The following SUGCT variants were observed in gnomAD, a reference collection of about 807,000 sequenced individuals.
SUGCT encodes succinyl-CoA:glutarate-CoA transferase.
A neutral mutation model predicts 55.0 loss-of-function variants in SUGCT; 41 were observed. That is an observed-to-expected ratio of 0.74 (90% CI 0.58 to 0.97). The LOEUF is 0.97. Ranked by LOEUF, SUGCT falls within the 50% of genes least tolerant of loss-of-function variation. The pLI is 0.00. For missense variants in SUGCT, 568 were observed against 547.8 expected, an observed-to-expected ratio of 1.04 and a Z score of -0.37; for synonymous variants, 187 against 200.4, an observed-to-expected ratio of 0.93 and a Z score of 0.56.
At chr7:40,981,752 G>T in the SUGCT span, among the ~76,000 whole-genome samples, 2,900 of 152,224 alleles carry the variant, frequency 0.019, 85 homozygotes, top group African/African-American at 0.066. Flanking sequence ...AAGCCAACAA[G>T]GTTCTTTGCC....
chr7:40,977,577 G>T, the SUGCT span, among the ~76,000 whole-genome samples: 1 of 152,176 alleles, frequency 6.6e-6, no homozygotes, highest in African/African-American at 2.4e-5. Flanking sequence ...GTTGCATGGG[G>T]CTTCTAGGGG....
At chr7:40,162,931 G>A (rs956595205) in intron 1 of SUGCT, among the ~76,000 whole-genome samples, 5 of 152,128 alleles carry the variant, frequency 3.3e-5, no homozygotes, top group Non-Finnish European at 7.3e-5. Flanking sequence ...CATCTTTATT[G>A]GGCAGGACTG....
chr7:40,802,563 A>T (rs937571607), intron 13 of SUGCT, among the ~76,000 whole-genome samples: 7 of 152,316 alleles, frequency 4.6e-5, no homozygotes, highest in Middle Eastern at 6.8e-3. Context: ...CACCTTCCCC[A>T]GCAAAGCCTA....
At chr7:40,475,450 T>G (rs972270512) in intron 11 of SUGCT, among the ~76,000 whole-genome samples, 2 of 152,234 alleles carry the variant, frequency 1.3e-5, no homozygotes, top group African/African-American at 2.4e-5. Flanking sequence ...AATCCAGGAA[T>G]ACTTTGTCCA....
At chr7:40,777,266 T>TC (rs1483974867) in intron 13 of SUGCT, among the ~76,000 whole-genome samples, 5 of 152,330 alleles carry the variant, frequency 3.3e-5, no homozygotes, top group African/African-American at 1.2e-4. Context: ...TGCTTTTTTT[T>TC]CTACTTAACT....
chr7:40,933,222 G>C, the SUGCT span, among the ~76,000 whole-genome samples: 6 of 152,068 alleles, frequency 3.9e-5, no homozygotes, highest in Admixed American at 1.3e-4. Flanking sequence ...TGAAATTCTG[G>C]GTTGAAAATT....
At chr7:40,768,992 A>G (rs1171919680) in intron 13 of SUGCT, among the ~76,000 whole-genome samples, 1 of 152,178 alleles carries the variant, frequency 6.6e-6, no homozygotes, top group East Asian at 1.9e-4. Flanking sequence ...TGGTGAATGT[A>G]GAGAGGGATA....
intron 8 of SUGCT, among the ~76,000 whole-genome samples, chr7:40,308,425 T>C (rs1794952307): frequency 6.6e-6 from 1 of 152,156 alleles, no homozygotes. Context: ...GGAGTTGCAA[T>C]GTGACTTTAT....
chr7:40,554,051 T>A (rs189488703), intron 12 of SUGCT, among the ~76,000 whole-genome samples: 1 of 152,292 alleles, frequency 6.6e-6, no homozygotes, highest in Admixed American at 6.5e-5. Flanking sequence ...GACTCTGGGG[T>A]CTGCAGATCT....
the SUGCT span, among the ~76,000 whole-genome samples, chr7:40,999,042 G>T: frequency 6.6e-6 from 1 of 152,300 alleles, no homozygotes; most frequent in African/African-American, 2.4e-5. Flanking sequence ...ACCTGTCTCT[G>T]TGGAATGCAG....
At chr7:40,651,384 G>A (rs1159853614) in intron 12 of SUGCT, among the ~76,000 whole-genome samples, 1 of 150,988 alleles carries the variant, frequency 6.6e-6, no homozygotes, top group African/African-American at 2.4e-5. Flanking sequence ...CCACATGAAT[G>A]TCTTCTTTTG....
At chr7:40,140,570 T>C (rs1176346297) in intron 1 of SUGCT, among the ~76,000 whole-genome samples, 1 of 152,110 alleles carries the variant, frequency 6.6e-6, no homozygotes, top group Non-Finnish European at 1.5e-5. Flanking sequence ...CTGGCTAATT[T>C]TTGTATTTTT....
the SUGCT span, among the ~76,000 whole-genome samples, chr7:40,938,006 C>T: frequency 6.6e-6 from 1 of 152,150 alleles, no homozygotes; most frequent in African/African-American, 2.4e-5. Context: ...GTTTGTGCTC[C>T]TGTGAAGATC....
At chr7:40,333,917 G>A (rs1212059557) in intron 9 of SUGCT, among the ~76,000 whole-genome samples, 2 of 151,216 alleles carry the variant, frequency 1.3e-5, no homozygotes, top group African/African-American at 2.4e-5. Flanking sequence ...CGCACCCCAC[G>A]ACAGGCCTCA....
chr7:40,990,187 A>G, the SUGCT span, among the ~76,000 whole-genome samples: 1 of 152,242 alleles, frequency 6.6e-6, no homozygotes, highest in African/African-American at 2.4e-5. Flanking sequence ...CATGACCTGT[A>G]GAATGCACAT....
intron 6 of SUGCT, among the ~76,000 whole-genome samples, chr7:40,207,320 A>G (rs1344309935): frequency 2.6e-5 from 4 of 152,208 alleles, no homozygotes; most frequent in Admixed American, 1.3e-4. Context: ...AATGCTCCAC[A>G]TCATTAGCCA....
chr7:41,020,571 C>T, the SUGCT span, among the ~76,000 whole-genome samples: 1 of 152,276 alleles, frequency 6.6e-6, no homozygotes, highest in African/African-American at 2.4e-5. Context: ...CATTCTAACT[C>T]ATTCATATAT....
At chr7:40,246,598 G>GC (rs1394254729) in intron 7 of SUGCT, among the ~76,000 whole-genome samples, 1 of 126,640 alleles carries the variant, frequency 7.9e-6, no homozygotes, top group East Asian at 2.4e-4. Flanking sequence ...TTGAAGGCTT[G>GC]CTTTTTTTTT....
the SUGCT span, among the ~76,000 whole-genome samples, chr7:40,933,377 A>T: frequency 6.6e-6 from 1 of 151,756 alleles, no homozygotes; most frequent in East Asian, 1.9e-4. Flanking sequence ...TTTTTCCTTC[A>T]TTTCAACCTT....
Sources: allele counts gnomAD v4.1 joint callset (sites outside exome capture counted in the v4.1 genomes callset), GRCh38; gene constraint gnomAD v4.1.1; transcripts MANE v1.5; gene names NCBI Gene and HGNC (gene_info 2026-07-23, HGNC 2026-07-21).